NRG3: variants seen among roughly 807,000 people sequenced by gnomAD.
NRG3 encodes pro-neuregulin-3, membrane-bound isoform.
NRG3 carries 31 observed loss-of-function variants against 66.9 expected under a neutral mutation model. That is an observed-to-expected ratio of 0.46 (90% CI 0.35 to 0.63). The LOEUF (loss-of-function observed/expected upper bound fraction) is 0.63. NRG3 is among the 20% of genes least tolerant of loss of function. NRG3 has a pLI of 0.00. For synonymous variants in NRG3, 393 were observed against 359.4 expected (o/e 1.09, Z -1.06); for missense variants, 910 against 878.9 (o/e 1.04, Z -0.45).
chr10:82,301,952 T>A (rs1015086565), intron 1 of NRG3, among the ~76,000 whole-genome samples: 3 of 151,966 alleles, frequency 2.0e-5, no homozygotes, highest in Admixed American at 2.0e-4. Context: ...GTTAATAGAC[T>A]ACCTTTTGAT....
At chr10:82,055,003 C>G (rs796080927) in intron 1 of NRG3, among the ~76,000 whole-genome samples, 21 of 150,926 alleles carry the variant, frequency 1.4e-4, no homozygotes, top group African/African-American at 4.9e-4. Flanking sequence ...CAGCACAAGA[C>G]TCTGTCTCTC....
intron 3 of NRG3, among the ~76,000 whole-genome samples, chr10:82,756,271 CTT>C (rs1243055203): frequency 6.6e-6 from 1 of 152,118 alleles, no homozygotes; most frequent in East Asian, 1.9e-4. Context: ...ACTCCCTTCT[CTT>C]TGACAGAAAG....
chr10:81,919,474 A>G (rs1413683384), intron 1 of NRG3, among the ~76,000 whole-genome samples: 1 of 152,068 alleles, frequency 6.6e-6, no homozygotes, highest in African/African-American at 2.4e-5. Context: ...ATGAACTCAT[A>G]AATAACATTG....
intron 2 of NRG3, among the ~76,000 whole-genome samples, chr10:82,638,409 G>A (rs1185212704): frequency 6.6e-6 from 1 of 152,104 alleles, no homozygotes; most frequent in African/African-American, 2.4e-5. Flanking sequence ...ATACTGCACT[G>A]TGTCCCTGGG....
intron 2 of NRG3, among the ~76,000 whole-genome samples, chr10:82,632,317 C>A (rs1294453916): frequency 6.6e-6 from 1 of 152,158 alleles, no homozygotes; most frequent in Non-Finnish European, 1.5e-5. Context: ...ATTCTGCCTG[C>A]ATTTAGTTAC....
intron 2 of NRG3, among the ~76,000 whole-genome samples, chr10:82,566,642 G>A (rs372201695): frequency 6.6e-5 from 10 of 151,964 alleles, no homozygotes; most frequent in Non-Finnish European, 8.8e-5. Flanking sequence ...ATGCTCTGAC[G>A]AACTTAGATT....
chr10:82,284,457 T>G (rs1409506030), intron 1 of NRG3, among the ~76,000 whole-genome samples: 1 of 152,216 alleles, frequency 6.6e-6, no homozygotes, highest in African/African-American at 2.4e-5. Flanking sequence ...CTGGACTATC[T>G]GTCTATTTTT....
chr10:82,420,947 T>C (rs1383661455), intron 2 of NRG3, among the ~76,000 whole-genome samples: 1 of 152,106 alleles, frequency 6.6e-6, no homozygotes, highest in African/African-American at 2.4e-5. Flanking sequence ...TGTAAAAGTA[T>C]AGGGACAGAT....
At chr10:82,270,956 T>C (rs1334291147) in intron 1 of NRG3, among the ~76,000 whole-genome samples, 2 of 152,100 alleles carry the variant, frequency 1.3e-5, no homozygotes, top group African/African-American at 4.8e-5. Context: ...AATTTTCCCT[T>C]CTTCATTCCA....
At chr10:82,349,580 T>C (rs1471304188) in intron 1 of NRG3, among the ~76,000 whole-genome samples, 3 of 152,118 alleles carry the variant, frequency 2.0e-5, no homozygotes, top group East Asian at 1.9e-4. Flanking sequence ...CCTTGAGCTG[T>C]GGTGGGCTCC....
intron 1 of NRG3, among the ~76,000 whole-genome samples, chr10:82,122,301 T>C (rs184169080): frequency 7.2e-5 from 11 of 152,192 alleles, no homozygotes; most frequent in African/African-American, 2.7e-4. Flanking sequence ...AATCCCATCA[T>C]TTTAGCCAAG....
At chr10:82,582,539 C>T (rs926969796) in intron 2 of NRG3, among the ~76,000 whole-genome samples, 1 of 152,082 alleles carries the variant, frequency 6.6e-6, no homozygotes, top group African/African-American at 2.4e-5. Flanking sequence ...GGGGAAAATA[C>T]TTGGCCAGGT....
chr10:82,563,047 G>A (rs1214219385), intron 2 of NRG3, among the ~76,000 whole-genome samples: 1 of 152,074 alleles, frequency 6.6e-6, no homozygotes, highest in Non-Finnish European at 1.5e-5. Context: ...GATGTGGGGA[G>A]GTGAGTGTAT....
chr10:82,745,384 C>G (rs1042148056), intron 3 of NRG3, among the ~76,000 whole-genome samples: 1 of 152,170 alleles, frequency 6.6e-6, no homozygotes, highest in Non-Finnish European at 1.5e-5. Flanking sequence ...AACTAATTAT[C>G]ACTTTCCCCT....
chr10:82,173,165 T>C (rs1321321173), intron 1 of NRG3, among the ~76,000 whole-genome samples: 1 of 152,150 alleles, frequency 6.6e-6, no homozygotes, highest in East Asian at 1.9e-4. Flanking sequence ...GTTAGTGGCA[T>C]GGAAGTATTT....
chr10:82,822,133 C>T (rs1166420842), intron 3 of NRG3, among the ~76,000 whole-genome samples: 1 of 152,112 alleles, frequency 6.6e-6, no homozygotes, highest in East Asian at 1.9e-4. Context: ...AGCTCTGTTT[C>T]TCAGAGATGA....
intron 2 of NRG3, among the ~76,000 whole-genome samples, chr10:82,667,679 T>G (rs1046632597): frequency 6.6e-6 from 1 of 152,168 alleles, no homozygotes; most frequent in Non-Finnish European, 1.5e-5. Context: ...TAAGTCTTAC[T>G]CCTTGTCAAG....
intron 1 of NRG3, among the ~76,000 whole-genome samples, chr10:82,167,985 T>C (rs1390138779): frequency 1.3e-5 from 2 of 152,198 alleles, no homozygotes; most frequent in East Asian, 1.9e-4. Context: ...CATCTTAAGA[T>C]TTTTTAAAGG....
At chr10:82,353,329 C>T (rs750374551) in intron 1 of NRG3, among the ~76,000 whole-genome samples, 2 of 152,174 alleles carry the variant, frequency 1.3e-5, no homozygotes, top group Non-Finnish European at 2.9e-5. Context: ...TCAGGTTCAA[C>T]TCAGTAGTTA....
Sources: allele counts gnomAD v4.1 joint callset (sites outside exome capture counted in the v4.1 genomes callset), GRCh38; gene constraint gnomAD v4.1.1; transcripts MANE v1.5; gene names NCBI Gene and HGNC (gene_info 2026-07-23, HGNC 2026-07-21).